Variants in GRHL2 observed in about 807,000 individuals in gnomAD.
GRHL2 encodes grainyhead-like protein 2 homolog.
In GRHL2, 21 loss-of-function variants were observed where a neutral mutation model predicts 83.8. The ratio of observed to expected loss-of-function variants is 0.25; its 90% CI spans 0.18 to 0.36. The LOEUF (loss-of-function observed/expected upper bound fraction) is 0.36, where lower values mean the gene tolerates loss of function less well. Among genes scored for constraint, GRHL2 ranks in the 10% least tolerant of loss-of-function variants. The probability of loss-of-function intolerance (pLI) is 1.00; values close to 1 mark genes in which losing one functional copy is unlikely to be tolerated. For synonymous variants in GRHL2, 280 were observed against 278.9 expected (o/e 1.00, Z -0.04); for missense variants, 623 against 781.8 (o/e 0.80, Z 2.42).
intron 7 of GRHL2, among the ~76,000 whole-genome samples, 157 bp downstream of exon 7, chr8:101,577,676 T>C (rs1811961456): frequency 6.6e-6 from 1 of 152,240 alleles, no homozygotes; most frequent in African/African-American, 2.4e-5. Flanking sequence ...CAGATCAGAC[T>C]GAGTAACCAA....
chr8:101,675,414 AACAG>A, the GRHL2 span, among the ~76,000 whole-genome samples: 1 of 152,050 alleles, frequency 6.6e-6, no homozygotes, highest in South Asian at 2.1e-4. Context: ...ATACACCAAT[AACAG>A]ACAAACACAG....
At chr8:101,639,392 T>C (rs909473941) in intron 12 of GRHL2, among the ~76,000 whole-genome samples, 27 of 152,244 alleles carry the variant, frequency 1.8e-4, no homozygotes, top group African/African-American at 6.3e-4. Flanking sequence ...CCGTGCTAAG[T>C]GCTTTATGCA....
At chr8:101,527,772 A>G (rs996451902) in intron 1 of GRHL2, among the ~76,000 whole-genome samples, 35 of 152,162 alleles carry the variant, frequency 2.3e-4, no homozygotes, top group African/African-American at 8.4e-4. Context: ...TCTTTTCACG[A>G]CTAAACAGGT....
At chr8:101,575,019 C>G (rs757046841) in intron 6 of GRHL2, among the ~76,000 whole-genome samples, 2 of 152,128 alleles carry the variant, frequency 1.3e-5, no homozygotes, top group Non-Finnish European at 2.9e-5. Context: ...CCAGGATCTA[C>G]CCCAGGGCGT....
At chr8:101,554,055 G>C (rs1763679533) in intron 3 of GRHL2, among the ~76,000 whole-genome samples, 1 of 152,180 alleles carries the variant, frequency 6.6e-6, no homozygotes, top group African/African-American at 2.4e-5. Flanking sequence ...ACTAGCACAT[G>C]TGTCAGAATC....
chr8:101,508,410 G>A (rs1403879147), intron 1 of GRHL2, among the ~76,000 whole-genome samples: 4 of 130,876 alleles, frequency 3.1e-5, no homozygotes, highest in Non-Finnish European at 3.2e-5. Flanking sequence ...TTTTCATCAC[G>A]GGAGAGCTTT....
downstream of GRHL2, among the ~76,000 whole-genome samples, chr8:101,672,580 G>T (rs1221294378): frequency 6.6e-6 from 1 of 151,800 alleles, no homozygotes. Flanking sequence ...ATGTCTGATT[G>T]GTGTACCTGA....
Position 101,573,670 on chromosome 8 carries a change from G to C in GRHL2, c.737G>C (p.Gly246Ala). 1 of 1,614,126 alleles carries C rather than the reference G, an allele frequency of 6.2e-7. No individual in the cohort carries two copies. The change falls in exon 6 of 16, where the codon GGC becomes GCC. Residue 246 changes from glycine to alanine, a missense_variant and splice_region_variant. Coordinates refer to ENST00000646743, the MANE Select transcript of GRHL2 (RefSeq NM_024915.4). ...CCGCTGTTTGTTTTCTTTCACAGTG[G>C]CACATTTCAGTACACCCTGGAAGCC... ...EEYMYDQTSS[G>A]TFQYTLEATK...
At chr8:101,653,843 A>G (rs1159320165) in intron 14 of GRHL2, among the ~76,000 whole-genome samples, 1 of 152,196 alleles carries the variant, frequency 6.6e-6, no homozygotes, top group Non-Finnish European at 1.5e-5. Flanking sequence ...ACTGATAACA[A>G]GCTTCCTGGT....
chr8:101,591,457 T>C (rs1812279909), intron 7 of GRHL2, among the ~76,000 whole-genome samples: 1 of 152,226 alleles, frequency 6.6e-6, no homozygotes, highest in Admixed American at 6.5e-5. Context: ...GAATTTGCAA[T>C]GATCCCAAAA....
At chr8:101,622,247 T>C (rs1488394587) in intron 9 of GRHL2, among the ~76,000 whole-genome samples, 8 of 152,206 alleles carry the variant, frequency 5.3e-5, no homozygotes, top group Admixed American at 4.6e-4. Flanking sequence ...GTAAAGAAAA[T>C]GTGAGCCAAG....
intron 4 of GRHL2, among the ~76,000 whole-genome samples, chr8:101,566,185 C>A (rs1811713615): frequency 6.6e-6 from 1 of 152,190 alleles, no homozygotes; most frequent in Non-Finnish European, 1.5e-5. Context: ...CACCAAATTT[C>A]TGTCACTTTG....
intron 13 of GRHL2, among the ~76,000 whole-genome samples, chr8:101,645,867 A>G (rs1457608125): frequency 6.6e-6 from 1 of 152,208 alleles, no homozygotes; most frequent in Non-Finnish European, 1.5e-5. Flanking sequence ...AGGTTTACAA[A>G]AATTTCTTTA....
At chr8:101,550,770 T>A (rs1811363827) in intron 2 of GRHL2, among the ~76,000 whole-genome samples, 1 of 152,212 alleles carries the variant, frequency 6.6e-6, no homozygotes, top group Non-Finnish European at 1.5e-5. Context: ...TCCTTTCTTA[T>A]CCTCCTACCT....
At chr8:101,557,767 T>C (rs1011139617) in intron 3 of GRHL2, among the ~76,000 whole-genome samples, 1 of 152,228 alleles carries the variant, frequency 6.6e-6, no homozygotes, top group African/African-American at 2.4e-5. Context: ...TTCTGGTTTG[T>C]CTGATCGCTT....
At chr8:101,566,238 G>C (rs116849925) in intron 4 of GRHL2, among the ~76,000 whole-genome samples, 1 of 151,868 alleles carries the variant, frequency 6.6e-6, no homozygotes, top group Non-Finnish European at 1.5e-5. Context: ...AAATTCTCTG[G>C]GATACACATT....
At chr8:101,526,930 ATTTGCTTGTTTG>A (rs975007701) in intron 1 of GRHL2, among the ~76,000 whole-genome samples, 2 of 152,122 alleles carry the variant, frequency 1.3e-5, no homozygotes, top group African/African-American at 4.8e-5. Flanking sequence ...ACTAGCACGT[ATTTGCTTGTTTG>A]TTTGCTTGTT....
intron 14 of GRHL2, among the ~76,000 whole-genome samples, chr8:101,660,637 T>C (rs867721730): frequency 5.9e-5 from 9 of 152,380 alleles, no homozygotes; most frequent in Admixed American, 2.0e-4. Flanking sequence ...CTCTTTAGTT[T>C]TGCAGTCAGA....
At chr8:101,665,326 C>G (rs1241954569) in intron 15 of GRHL2, among the ~76,000 whole-genome samples, 1 of 152,188 alleles carries the variant, frequency 6.6e-6, no homozygotes, top group African/African-American at 2.4e-5. Context: ...TATCTGTTGA[C>G]TCAGCTTCTG....
Sources: allele counts gnomAD v4.1 joint callset (sites outside exome capture counted in the v4.1 genomes callset), GRCh38; gene constraint gnomAD v4.1.1; transcripts MANE v1.5; gene names NCBI Gene and HGNC (gene_info 2026-07-23, HGNC 2026-07-21).